The following DSCAML1 variants were observed in gnomAD, a reference collection of about 807,000 sequenced individuals.
DSCAML1 encodes DS cell adhesion molecule like 1.
A neutral mutation model predicts 200.5 loss-of-function variants in DSCAML1; 38 were observed. That is an observed-to-expected ratio of 0.19 (90% CI 0.15 to 0.25). The LOEUF (loss-of-function observed/expected upper bound fraction) is 0.25. DSCAML1 is among the 10% of genes least tolerant of loss of function. DSCAML1 has a pLI of 1.00. For synonymous variants in DSCAML1, 1,215 were observed against 1,165.0 expected, an observed-to-expected ratio of 1.04 and a Z score of -0.87; for missense variants, 2,223 against 2,858.8, an observed-to-expected ratio of 0.78 and a Z score of 5.07.
chr11:117,433,088 TG>T (rs760794821), intron 29 of DSCAML1, 49 bp downstream of exon 29: 2 of 1,536,986 alleles, frequency 1.3e-6, no homozygotes, highest in Admixed American at 1.7e-5. Flanking sequence ...GGTTGTAGCC[TG>T]GGGAAGCACA....
chr11:117,697,362 T>A (rs1213708284), intron 3 of DSCAML1, among the ~76,000 whole-genome samples: 2 of 152,248 alleles, frequency 1.3e-5, no homozygotes, highest in Non-Finnish European at 2.9e-5. Flanking sequence ...CAGGCAAACC[T>A]GGAATGGATC....
intron 3 of DSCAML1, among the ~76,000 whole-genome samples, chr11:117,578,782 A>G (rs11606425): frequency 2.0e-5 from 3 of 151,942 alleles, no homozygotes; most frequent in African/African-American, 7.3e-5. Flanking sequence ...CCATATGCCA[A>G]TGGCTTCCCA....
At chr11:117,484,885 CAGTGTGTG>C (rs1330071844) in intron 11 of DSCAML1, among the ~76,000 whole-genome samples, 11 of 107,786 alleles carry the variant, frequency 1.0e-4, no homozygotes, top group Middle Eastern at 4.6e-3. Context: ...AGCAGAGGAA[CAGTGTGTG>C]TGTGTGTGTG....
chr11:117,660,107 C>G (rs751007364), intron 3 of DSCAML1, among the ~76,000 whole-genome samples: 99 of 152,218 alleles, frequency 6.5e-4, no homozygotes, highest in Non-Finnish European at 1.1e-3. Context: ...CCTCTCTCTC[C>G]TGTCTCTTCT....
intron 1 of DSCAML1, among the ~76,000 whole-genome samples, chr11:117,789,022 C>A (rs1250367857): frequency 6.6e-6 from 1 of 152,210 alleles, no homozygotes; most frequent in African/African-American, 2.4e-5. Context: ...AGCTCCCCAC[C>A]CTAGTCATTG....
At chr11:117,482,816 A>G (rs2048956646) in intron 11 of DSCAML1, among the ~76,000 whole-genome samples, 3 of 152,208 alleles carry the variant, frequency 2.0e-5, no homozygotes, top group African/African-American at 7.2e-5. Context: ...ATCCCCCTGA[A>G]TCAGATCTAT....
intron 3 of DSCAML1, among the ~76,000 whole-genome samples, chr11:117,663,256 C>T (rs138883070): frequency 3.3e-5 from 5 of 152,198 alleles, no homozygotes; most frequent in African/African-American, 9.7e-5. Flanking sequence ...TCACGGCTTA[C>T]CTTGCTGTCA....
intron 3 of DSCAML1, among the ~76,000 whole-genome samples, chr11:117,563,718 G>T (rs532532657): frequency 1.3e-5 from 2 of 152,148 alleles, no homozygotes; most frequent in Non-Finnish European, 2.9e-5. Context: ...ACCTCAAAGC[G>T]GAATTGATTG....
chr11:117,588,803 T>G (rs1591298272), intron 3 of DSCAML1, among the ~76,000 whole-genome samples: 2 of 152,062 alleles, frequency 1.3e-5, no homozygotes, highest in African/African-American at 4.8e-5. Flanking sequence ...GGGGCGGGTG[T>G]GGGGATCCTG....
intron 3 of DSCAML1, among the ~76,000 whole-genome samples, chr11:117,607,868 A>G (rs1397974652): frequency 6.6e-6 from 1 of 152,220 alleles, no homozygotes; most frequent in Non-Finnish European, 1.5e-5. Flanking sequence ...CCTTGTCAAT[A>G]GGGAAAAAGA....
intron 3 of DSCAML1, among the ~76,000 whole-genome samples, chr11:117,656,544 T>TATCTATCTATCTATCC (rs1382846140): frequency 6.4e-5 from 9 of 141,316 alleles, no homozygotes; most frequent in African/African-American, 2.3e-4. Flanking sequence ...TCTATCTATC[T>TATCTATCTATCTATCC]ATCCATCCAT....
intron 26 of DSCAML1, among the ~76,000 whole-genome samples, chr11:117,436,910 G>A (rs2047929009): frequency 6.6e-6 from 1 of 152,170 alleles, no homozygotes; most frequent in Non-Finnish European, 1.5e-5. Flanking sequence ...TCCATCTGTA[G>A]TGGCCATTGG....
At chr11:117,530,658 C>T (rs1292551101) in intron 4 of DSCAML1, among the ~76,000 whole-genome samples, 2 of 152,158 alleles carry the variant, frequency 1.3e-5, no homozygotes, top group South Asian at 2.1e-4. Context: ...AGCTCCTGAT[C>T]TCCTGGCCTT....
intron 11 of DSCAML1, among the ~76,000 whole-genome samples, chr11:117,490,519 G>A (rs116955922): frequency 6.6e-6 from 1 of 152,288 alleles, no homozygotes; most frequent in Non-Finnish European, 1.5e-5. Context: ...CCAGATCCCC[G>A]CTTCCACTGG....
Position 117,460,114 on chromosome 11 carries a change from G to C in DSCAML1, c.3413-1205C>G, listed in dbSNP as rs148111496. Among the ~76,000 whole-genome samples the C allele has an allele frequency of 4.6e-5, 7 of 152,360 alleles. No individual in the cohort carries two copies. The East Asian group carries it at 1.3e-3, about 29-fold the overall frequency. ...AATACATTCCTTAGGGGCTAAGCTG[G>C]AGAAGCCCGCAGGCTTCGAAAAGAG... On this transcript the variant is annotated intron_variant, in intron 18 of 32. Transcript: ENST00000651296.
intron 3 of DSCAML1, among the ~76,000 whole-genome samples, chr11:117,667,752 G>T (rs906630794): frequency 6.6e-6 from 1 of 152,230 alleles, no homozygotes; most frequent in South Asian, 2.1e-4. Flanking sequence ...CCAGAAAAAG[G>T]TGGTTGGAGG....
chr11:117,441,893 A>C (rs3894250), intron 21 of DSCAML1, among the ~76,000 whole-genome samples: 60,120 of 151,756 alleles, frequency 0.4, 13,476 homozygotes, highest in East Asian at 0.82. Flanking sequence ...GGGTGTTCTC[A>C]GAGTTTCTCC....
At chr11:117,751,356 G>GAATTATC (rs2054601536) in intron 3 of DSCAML1, among the ~76,000 whole-genome samples, 1 of 149,384 alleles carries the variant, frequency 6.7e-6, no homozygotes, top group Non-Finnish European at 1.5e-5. Context: ...ATATAAATCT[G>GAATTATC]AATTATCACA....
At chr11:117,796,980 C>T (rs972508770) in intron 1 of DSCAML1, 54 bp downstream of exon 1, 3 of 1,244,454 alleles carry the variant, frequency 2.4e-6, no homozygotes, top group African/African-American at 1.6e-5. Context: ...CGCCGCCAGC[C>T]GCGCCACCCT....
Sources: gnomAD v4.1 joint callset for allele counts (sites outside exome capture counted in the v4.1 genomes callset) on GRCh38, gnomAD v4.1.1 for gene constraint, MANE v1.5 for transcripts, NCBI Gene and HGNC (gene_info 2026-07-23, HGNC 2026-07-21) for gene names.